The following CHAC2 variants were observed in gnomAD, a reference collection of about 807,000 sequenced individuals.
CHAC2 encodes the protein ChaC glutathione specific gamma-glutamylcyclotransferase 2.
Under a neutral mutation model 16.9 loss-of-function variants are expected in CHAC2, and 20 were observed. The ratio of observed to expected loss-of-function variants is 1.18; its 90% CI spans 0.83 to 1.72. The LOEUF (loss-of-function observed/expected upper bound fraction) is 1.72, where lower values mean the gene tolerates loss of function less well. CHAC2 is among the 40% of genes most tolerant of loss of function. The pLI is 0.00. For missense variants in CHAC2, 269 were observed against 222.2 expected (o/e 1.21, Z -1.34); for synonymous variants, 91 against 77.3 (o/e 1.18, Z -0.93).
intron 1 of CHAC2, among the ~76,000 whole-genome samples, chr2:53,769,573 G>A (rs998165281): frequency 9.9e-5 from 15 of 152,236 alleles, no homozygotes; most frequent in African/African-American, 2.2e-4. Context: ...CTGGCCAGGC[G>A]TGGTGGTTCC....
Position 53,770,241 on chromosome 2 carries a change from A to G in CHAC2, c.136-1666A>G, listed in dbSNP as rs187382569. 9.6e-4 allele frequency among the ~76,000 whole-genome samples: 146 copies of G among 152,330 alleles called. 1 individual carries two copies. Among genetic ancestry groups the G allele is most frequent in the African/African-American group, 3.2e-3 (131 of 41,568 alleles). On this transcript the variant is annotated intron_variant, in intron 1 of 2. Transcript: ENST00000295304. Reference sequence around the variant, plus strand: ...ACTATTAAAATGTATGAGAAGACTAACAGGAAAATTAAATGAGAAATCATA... The same window carrying G: ...ACTATTAAAATGTATGAGAAGACTAGCAGGAAAATTAAATGAGAAATCATA...
Position 53,771,901 on chromosome 2 carries a change from A to G in CHAC2, c.136-6A>G, listed in dbSNP as rs759156587. On this transcript the variant is annotated splice_polypyrimidine_tract_variant and splice_region_variant and intron_variant, in intron 1 of 2. Coordinates refer to ENST00000295304, the MANE Select transcript of CHAC2 (RefSeq NM_001008708.4). ...AGAAAAATTTTTTTTTACCTTTTTA[A>G]AACAGCCTGGAAGAGTTGTGACTCT... The G allele has an allele frequency of 1.9e-6, 3 of 1,560,110 alleles. No homozygotes were observed. Among genetic ancestry groups the G allele is most frequent in the East Asian group, 4.6e-5 (2 of 43,790 alleles).
Position 53,774,187 on chromosome 2 carries a change from G to T in CHAC2, c.217G>T (p.Glu73Ter), listed in dbSNP as rs1188048392. 3.1e-6 allele frequency: 5 copies of T among 1,612,818 alleles called. No individual in the cohort carries two copies. The highest frequency in any genetic ancestry group is 1.7e-5 in the Admixed American group (1 of 59,742). The change falls in exon 3 of 3, where the codon GAA becomes TAA. Residue 73 changes from glutamate to a stop codon, truncating the protein, a stop_gained. Coordinates refer to ENST00000295304, the MANE Select transcript of CHAC2 (RefSeq NM_001008708.4). LOFTEE classifies it high-confidence loss of function. ...VAYRLPVGKE[E>*]EVKAYLDFRE... is the part of the protein sequence containing the mutation. Reference sequence around the variant, plus strand: ...TTACAGATTGCCAGTAGGAAAGGAAGAAGAAGTAAAAGCATACCTTGACTT... The same window carrying T: ...TTACAGATTGCCAGTAGGAAAGGAATAAGAAGTAAAAGCATACCTTGACTT...
In CHAC2 at chr2:53,774,541, A is replaced by C. The variant is rs376239605; in HGVS notation, c.*16A>C. 9.3e-6 allele frequency: 14 copies of C among 1,504,988 alleles called. No individual in the cohort carries two copies. The African/African-American group carries it at 1.3e-4, about 14-fold the overall frequency. The allele number at this position is 1,504,988 out of a possible 1,614,324, so 93.2% of individuals were successfully genotyped here. A position where few individuals can be genotyped will look rare whatever the true frequency, so the allele number is the denominator to read the frequency against. On this transcript the variant is annotated 3_prime_UTR_variant, in exon 3 of 3. Transcript: ENST00000295304. ...TTGCATATAATTTAGTCTTCAGAGA[A>C]TTAACTTCAGTGCACAATGACAATA...
intron 2 of CHAC2, among the ~76,000 whole-genome samples, chr2:53,773,891 T>C (rs1573019450): frequency 6.6e-6 from 1 of 151,970 alleles, no homozygotes; most frequent in East Asian, 2.0e-4. Flanking sequence ...AAAAATTAGC[T>C]GGGCATGGTG....
intron 2 of CHAC2, among the ~76,000 whole-genome samples, chr2:53,772,861 C>T (rs918036453): frequency 2.0e-5 from 3 of 152,038 alleles, no homozygotes; most frequent in African/African-American, 7.2e-5. Context: ...TCCTCTCCCT[C>T]CTCCCACCCT....
chr2:53,774,371 C>T lies in CHAC2; in HGVS notation c.401C>T (p.Ala134Val). 1 of 1,613,436 alleles carries T rather than the reference C, an allele frequency of 6.2e-7. No individual in the cohort carries two copies. Among genetic ancestry groups the T allele is most frequent in the Non-Finnish European group, 8.5e-7 (1 of 1,179,876 alleles). ...LEDIAEQIFN[A>V]AGPSGRNTEY... ...GACATTGCTGAACAAATTTTTAATG[C>T]AGCTGGTCCAAGTGGAAGAAATACA... Residue 134 changes from alanine (A) to valine (V), a missense_variant, in exon 3 of 3, where the codon GCA (alanine) becomes GTA (valine). Ala to Val is a moderately conservative substitution (Grantham distance 64). Coordinates refer to ENST00000295304, the MANE Select transcript of CHAC2 (RefSeq NM_001008708.4).
intron 2 of CHAC2, among the ~76,000 whole-genome samples, chr2:53,772,446 T>A (rs1674006622): frequency 6.6e-6 from 1 of 152,142 alleles, no homozygotes; most frequent in Admixed American, 6.5e-5. Context: ...AGTGCTGGGA[T>A]TACAGGCATG....
At chr2:53,769,157 G>C (rs1253099851) in intron 1 of CHAC2, among the ~76,000 whole-genome samples, 1 of 152,196 alleles carries the variant, frequency 6.6e-6, no homozygotes, top group African/African-American at 2.4e-5. Flanking sequence ...GTATCTCCAA[G>C]AATGTTCTAG....
chr2:53,772,235 C>G (rs1014184795), intron 2 of CHAC2, among the ~76,000 whole-genome samples: 3 of 152,046 alleles, frequency 2.0e-5, no homozygotes, highest in Non-Finnish European at 4.4e-5. Context: ...AGTGCAGTGG[C>G]GCGATCTCGG....
At chr2:53,770,498 T>TAAA (rs76201682) in intron 1 of CHAC2, among the ~76,000 whole-genome samples, 6 of 110,552 alleles carry the variant, frequency 5.4e-5, no homozygotes, top group Non-Finnish European at 9.1e-5. Flanking sequence ...GAAGTTTATT[T>TAAA]AAAAAAAAAA....
Position 53,774,554 on chromosome 2 carries a change from C to T in CHAC2, c.*29C>T, listed in dbSNP as rs555471161. ...AGTCTTCAGAGAATTAACTTCAGTGCACAATGACAATATGATTTGGAAATA... is the reference window on the plus strand; with the variant it reads ...AGTCTTCAGAGAATTAACTTCAGTGTACAATGACAATATGATTTGGAAATA... On this transcript the variant is annotated 3_prime_UTR_variant, in exon 3 of 3. Coordinates refer to ENST00000295304, the MANE Select transcript of CHAC2 (RefSeq NM_001008708.4). 6.2e-6 allele frequency: 9 copies of T among 1,448,194 alleles called. No individual in the cohort carries two copies. In the South Asian group the frequency reaches 1.0e-4, roughly 17 times the overall value. 89.7% of individuals were successfully genotyped at this position (1,448,194 alleles called of 1,614,324 possible). A position where few individuals can be genotyped will look rare whatever the true frequency, so the allele number is the denominator to read the frequency against.
intron 2 of CHAC2, among the ~76,000 whole-genome samples, chr2:53,773,635 T>C (rs1213861176): frequency 1.3e-5 from 2 of 151,948 alleles, no homozygotes; most frequent in Non-Finnish European, 2.9e-5. Context: ...TTCACCATCT[T>C]GGCCAGGCTG....
intron 1 of CHAC2, among the ~76,000 whole-genome samples, chr2:53,769,412 T>G (rs1225243771): frequency 6.6e-6 from 1 of 152,248 alleles, no homozygotes; most frequent in Admixed American, 6.5e-5. Context: ...TATTTATGTA[T>G]GTGGCTATAA....
intron 1 of CHAC2, 32 bp from the exon 2 acceptor site, chr2:53,771,875 C>T: frequency 2.1e-6 from 3 of 1,422,060 alleles, no homozygotes; most frequent in Non-Finnish European, 2.9e-6. Flanking sequence ...TTTATTAATT[C>T]AGAAAAATTT....
At chr2:53,771,286 G>A (rs923765845) in intron 1 of CHAC2, among the ~76,000 whole-genome samples, 6 of 152,124 alleles carry the variant, frequency 3.9e-5, no homozygotes, top group African/African-American at 1.4e-4. Context: ...AGGCCGAGAC[G>A]GGTGGATTAC....
chr2:53,772,773 A>G (rs1056871535), intron 2 of CHAC2, among the ~76,000 whole-genome samples: 2 of 152,204 alleles, frequency 1.3e-5, no homozygotes, highest in African/African-American at 4.8e-5. Context: ...AACATGTGTC[A>G]TGGGGGTTTG....
Position 53,774,317 on chromosome 2 carries a change from C to G in CHAC2, c.347C>G (p.Pro116Arg). The G allele has an allele frequency of 6.2e-7, 1 of 1,613,166 alleles. No homozygotes were observed. The highest frequency in any genetic ancestry group is 1.3e-5 in the African/African-American group (1 of 75,008). ...CTATATATTGGAACATGTGATAATCCTGATTATCTTGGTCCTGCACCTCTG... is the reference window on the plus strand; with the variant it reads ...CTATATATTGGAACATGTGATAATCGTGATTATCTTGGTCCTGCACCTCTG... ...VLLYIGTCDN[P>R]DYLGPAPLED... Residue 116 changes from proline (P) to arginine (R), a missense_variant, in exon 3 of 3, where the codon CCT becomes CGT. Pro to Arg is a moderately radical substitution (Grantham distance 103). Transcript: ENST00000295304.
intron 1 of CHAC2, 112 bp from the exon 2 acceptor site, chr2:53,771,795 T>C (rs141797288): frequency 3.0e-4 from 215 of 722,010 alleles, no homozygotes; most frequent in South Asian, 1.0e-3. Flanking sequence ...GAAATAGTGC[T>C]TCTTATGAGC....
Sources: allele counts gnomAD v4.1 joint callset (sites outside exome capture counted in the v4.1 genomes callset), GRCh38; gene constraint gnomAD v4.1.1; transcripts MANE v1.5; gene names NCBI Gene and HGNC (gene_info 2026-07-23, HGNC 2026-07-21).